DGKG: variants seen among roughly 807,000 people sequenced by gnomAD.
DGKG encodes DAG kinase gamma.
DGKG carries 78 observed loss-of-function variants against 105.3 expected under a neutral mutation model. The observed-to-expected ratio is 0.74, with a 90% CI of 0.62 to 0.89. DGKG has a LOEUF of 0.89. DGKG is among the 40% of genes least tolerant of loss of function. The pLI, the probability that DGKG is intolerant of heterozygous loss-of-function variation, is 0.00. For missense variants in DGKG, 958 were observed against 1,020.1 expected (o/e 0.94, Z 0.83); for synonymous variants, 346 against 367.1 (o/e 0.94, Z 0.66).
chr3:186,215,525 C>G (rs1226082201), intron 20 of DGKG, among the ~76,000 whole-genome samples: 1 of 151,428 alleles, frequency 6.6e-6, no homozygotes, highest in Admixed American at 6.6e-5. Flanking sequence ...TTTTAAAGAT[C>G]ATTCTGTTCC....
intron 1 of DGKG, among the ~76,000 whole-genome samples, chr3:186,331,894 C>T (rs928162055): frequency 2.6e-5 from 4 of 152,180 alleles, no homozygotes; most frequent in African/African-American, 9.7e-5. Flanking sequence ...AGTCACCAAA[C>T]CCTGTGAGGA....
chr3:186,195,366 A>G (rs1362786803), intron 21 of DGKG, among the ~76,000 whole-genome samples: 1 of 152,252 alleles, frequency 6.6e-6, no homozygotes, highest in African/African-American at 2.4e-5. Flanking sequence ...TTTAATAAGT[A>G]TCCAGTAGTT....
intron 1 of DGKG, among the ~76,000 whole-genome samples, chr3:186,334,654 T>C (rs919210326): frequency 5.9e-5 from 9 of 152,198 alleles, no homozygotes; most frequent in African/African-American, 2.2e-4. Flanking sequence ...CTAAACAACT[T>C]GCACAAATTA....
intron 14 of DGKG, among the ~76,000 whole-genome samples, chr3:186,263,655 A>T (rs969123777): frequency 2.7e-5 from 4 of 146,618 alleles, no homozygotes; most frequent in East Asian, 2.0e-4. Context: ...GTTCATTTGT[A>T]TTTTTTTTTT....
At chr3:186,206,951 G>A (rs1718775951) in intron 21 of DGKG, among the ~76,000 whole-genome samples, 1 of 151,976 alleles carries the variant, frequency 6.6e-6, no homozygotes, top group African/African-American at 2.4e-5. Context: ...GTTTTACCAT[G>A]TTGGCCAGGC....
chr3:186,247,134 T>C (rs1346331269), intron 19 of DGKG, among the ~76,000 whole-genome samples: 1 of 152,196 alleles, frequency 6.6e-6, no homozygotes, highest in African/African-American at 2.4e-5. Context: ...TGCCAGTAGA[T>C]ATTATCAGTT....
chr3:186,236,475 C>T (rs1194784125), intron 20 of DGKG, among the ~76,000 whole-genome samples: 4 of 152,230 alleles, frequency 2.6e-5, no homozygotes, highest in African/African-American at 9.6e-5. Flanking sequence ...TCAAAAGAGG[C>T]AGCAAAGGAT....
intron 19 of DGKG, among the ~76,000 whole-genome samples, chr3:186,246,932 C>G (rs770719337): frequency 6.6e-6 from 1 of 152,138 alleles, no homozygotes; most frequent in Non-Finnish European, 1.5e-5. Context: ...CCTGTTAAGG[C>G]TCATGAAAGC....
intron 1 of DGKG, among the ~76,000 whole-genome samples, chr3:186,325,910 A>G (rs534361682): frequency 5.9e-4 from 90 of 152,132 alleles, no homozygotes; most frequent in Admixed American, 3.3e-3. Flanking sequence ...GCACATCCTT[A>G]TTTTCTAGCA....
At chr3:186,234,309 C>T (rs1720307501) in intron 20 of DGKG, among the ~76,000 whole-genome samples, 1 of 152,254 alleles carries the variant, frequency 6.6e-6, no homozygotes, top group South Asian at 2.1e-4. Flanking sequence ...TTCTCAACCT[C>T]TCCCTTCTGG....
At chr3:186,260,626 G>C (rs1454067428) in intron 15 of DGKG, 113 bp from the exon 16 acceptor site, 2 of 821,704 alleles carry the variant, frequency 2.4e-6, no homozygotes, top group African/African-American at 3.4e-5. Context: ...CAGGGATGAG[G>C]GTTCATTTAA....
At position 186,257,998 on chromosome 3, in the gene DGKG, A is replaced by G. The variant is rs1046204337; in HGVS notation, c.1425-59T>C. ...TTACTAGGTTGCAGCTGACATTGAT[A>G]CATGTTGAGTCAGAGTCTGCCCTGT... On this transcript the variant is annotated intron_variant, in intron 16 of 24. Coordinates refer to ENST00000265022, the MANE Select transcript of DGKG (RefSeq NM_001346.3). 78 of 1,282,232 alleles carry G rather than the reference A, an allele frequency of 6.1e-5. 1 individual carries two copies. Among genetic ancestry groups the G allele is most frequent in the Middle Eastern group, 1.8e-4 (1 of 5,472 alleles). The allele number at this position is 1,282,232 out of a possible 1,614,324, so 79.4% of individuals were successfully genotyped here.
chr3:186,265,246 C>G lies in DGKG; in HGVS notation c.1269+1G>C, dbSNP rs762779028. The G allele has an allele frequency of 5.6e-6, 9 of 1,614,160 alleles. No homozygotes were observed. Among genetic ancestry groups the G allele is most frequent in the Non-Finnish European group, 5.9e-6 (7 of 1,179,966 alleles). ...AATCGGATTTAGAGCTCATGAGGTA[C>G]CTGCATGACAAGTTCGCCCTTGGCG... On this transcript the variant is annotated splice_donor_variant, in intron 14 of 24. Coordinates refer to ENST00000265022, the MANE Select transcript of DGKG (RefSeq NM_001346.3). LOFTEE classifies it high-confidence loss of function.
rs534267665 is a variant in DGKG at position 186,300,200 on chromosome 3, C to A, written c.145-1971G>T. 2.6e-5 allele frequency among the ~76,000 whole-genome samples: 4 copies of A among 152,152 alleles called. No homozygotes were observed. The South Asian group carries it at 8.3e-4, about 32-fold the overall frequency. On this transcript the variant is annotated intron_variant, in intron 3 of 24. Coordinates refer to ENST00000265022, the MANE Select transcript of DGKG (RefSeq NM_001346.3). The stretch of plus-strand genomic sequence containing the variant: ...ATTCCATCCTCGCTGGCTCTGATTG[C>A]ATCTCCAGCATTTTCTTTTCATTTA...
intron 1 of DGKG, among the ~76,000 whole-genome samples, chr3:186,338,573 T>C (rs1351632536): frequency 6.6e-6 from 1 of 152,220 alleles, no homozygotes; most frequent in Non-Finnish European, 1.5e-5. Flanking sequence ...TGTGAAAGGA[T>C]GTACATGAAA....
intron 24 of DGKG, among the ~76,000 whole-genome samples, chr3:186,155,710 G>A (rs568735383): frequency 8.5e-5 from 13 of 152,230 alleles, no homozygotes; most frequent in Admixed American, 7.8e-4. Context: ...ATTTATAACA[G>A]TTCTTGACAC....
intron 11 of DGKG, among the ~76,000 whole-genome samples, chr3:186,270,165 G>A (rs1412481106): frequency 2.6e-5 from 4 of 151,980 alleles, no homozygotes; most frequent in African/African-American, 4.8e-5. Context: ...TCACTCTGTC[G>A]CCCAGGCTGG....
At chr3:186,334,467 G>A (rs1280392564) in intron 1 of DGKG, among the ~76,000 whole-genome samples, 1 of 152,202 alleles carries the variant, frequency 6.6e-6, no homozygotes, top group Non-Finnish European at 1.5e-5. Flanking sequence ...CCTAATGGGC[G>A]ATTATGTAGT....
At chr3:186,252,023 T>C (rs1721250768) in intron 18 of DGKG, 104 bp from the exon 19 acceptor site, 3 of 1,112,440 alleles carry the variant, frequency 2.7e-6, no homozygotes, top group Admixed American at 5.4e-5. Context: ...TCTGTGACTA[T>C]GGGACTCCCC....
Sources: gnomAD v4.1 joint callset for allele counts (sites outside exome capture counted in the v4.1 genomes callset) on GRCh38, gnomAD v4.1.1 for gene constraint, MANE v1.5 for transcripts, NCBI Gene and HGNC (gene_info 2026-07-23, HGNC 2026-07-21) for gene names.